Variants in GALNT13 observed in about 807,000 individuals in gnomAD.
GALNT13 encodes polypeptide N-acetylgalactosaminyltransferase 13.
A neutral mutation model predicts 64.2 loss-of-function variants in GALNT13; 28 were observed. The ratio of observed to expected loss-of-function variants is 0.44; its 90% CI spans 0.32 to 0.60. The LOEUF is 0.60. Ranked by LOEUF, GALNT13 falls within the 20% of genes least tolerant of loss-of-function variation. The pLI is 0.05. For missense variants in GALNT13, 577 were observed against 669.8 expected (o/e 0.86, Z 1.53); for synonymous variants, 214 against 224.6 (o/e 0.95, Z 0.42).
chr2:154,156,057 A>G (rs1221086736), intron 4 of GALNT13, among the ~76,000 whole-genome samples: 1 of 148,920 alleles, frequency 6.7e-6, no homozygotes, highest in East Asian at 1.9e-4. Context: ...ATTATTTTTT[A>G]TGTCTTTTAT....
chr2:153,279,378 G>C, the GALNT13 span, among the ~76,000 whole-genome samples: 1 of 151,956 alleles, frequency 6.6e-6, no homozygotes, highest in Non-Finnish European at 1.5e-5. Flanking sequence ...CTCTGGCTAG[G>C]ACTTGGTCCT....
intron 1 of GALNT13, among the ~76,000 whole-genome samples, chr2:153,889,600 C>T (rs547237333): frequency 9.2e-5 from 14 of 152,014 alleles, no homozygotes; most frequent in African/African-American, 2.7e-4. Context: ...CACTAAATAC[C>T]GATGCACTTT....
At chr2:153,559,119 C>A in the GALNT13 span, among the ~76,000 whole-genome samples, 1 of 151,990 alleles carries the variant, frequency 6.6e-6, no homozygotes, top group East Asian at 1.9e-4. Context: ...TGAGTATGGA[C>A]CGCTAATAAA....
the GALNT13 span, among the ~76,000 whole-genome samples, chr2:153,473,490 T>C: frequency 0.032 from 4,827 of 152,300 alleles, 100 homozygotes; most frequent in Middle Eastern, 0.071. Flanking sequence ...CTATTGAGCA[T>C]TTAAATTCAG....
rs147514344 is a variant in GALNT13, at chr2:153,899,824, G to A, written c.-176-1112G>A. Among the ~76,000 whole-genome samples the A allele has an allele frequency of 9.5e-3, 1,443 of 151,160 alleles. 20 individuals are homozygous for A. Among genetic ancestry groups the A allele is most frequent in the African/African-American group, 0.033 (1,366 of 41,186 alleles). ...GAGAACTTAATATTCCTTTAAAGAT[G>A]TTTGGTACTTAAGGGGATTTTTATT... On this transcript the variant is annotated intron_variant, in intron 1 of 12. Transcript: ENST00000392825.
chr2:154,227,334 T>C (rs1345629333), intron 4 of GALNT13, among the ~76,000 whole-genome samples: 5 of 150,032 alleles, frequency 3.3e-5, no homozygotes, highest in Admixed American at 3.3e-4. Flanking sequence ...TCTTTTTTTC[T>C]TTTTTTTTAT....
the GALNT13 span, among the ~76,000 whole-genome samples, chr2:153,647,523 A>G: frequency 8.5e-5 from 13 of 152,080 alleles, no homozygotes; most frequent in African/African-American, 3.1e-4. Flanking sequence ...TGGTGTATTA[A>G]ACATGAAGTC....
chr2:154,149,408 C>G (rs1029119117), intron 4 of GALNT13, among the ~76,000 whole-genome samples: 2 of 151,744 alleles, frequency 1.3e-5, no homozygotes, highest in African/African-American at 4.8e-5. Flanking sequence ...CTTGGTGGTG[C>G]GGGCTCTTTT....
At chr2:154,232,330 C>T (rs1278040626) in intron 4 of GALNT13, among the ~76,000 whole-genome samples, 1 of 152,110 alleles carries the variant, frequency 6.6e-6, no homozygotes, top group East Asian at 1.9e-4. Context: ...CTGCTTCTCT[C>T]ATAGTGTCCA....
chr2:154,252,348 T>TTTA (rs1242164457), intron 7 of GALNT13, among the ~76,000 whole-genome samples: 1 of 146,564 alleles, frequency 6.8e-6, no homozygotes, highest in Non-Finnish European at 1.5e-5. Context: ...TTTATTTTAT[T>TTTA]TTATTATTAT....
the GALNT13 span, among the ~76,000 whole-genome samples, chr2:153,710,056 T>C: frequency 3.9e-5 from 6 of 152,064 alleles, no homozygotes; most frequent in Admixed American, 2.6e-4. Context: ...TTCTTAGATC[T>C]ATCGCACAGC....
intron 3 of GALNT13, among the ~76,000 whole-genome samples, chr2:154,123,983 C>A (rs779759589): frequency 2.6e-5 from 4 of 151,786 alleles, no homozygotes; most frequent in Non-Finnish European, 4.4e-5. Flanking sequence ...CATTGAACTG[C>A]AAACAAAAAA....
chr2:153,270,981 G>T, the GALNT13 span, among the ~76,000 whole-genome samples: 1 of 152,150 alleles, frequency 6.6e-6, no homozygotes, highest in East Asian at 1.9e-4. Context: ...CTCATAAAAC[G>T]TAATCCATCA....
the GALNT13 span, among the ~76,000 whole-genome samples, chr2:153,863,399 G>A: frequency 6.6e-6 from 1 of 152,134 alleles, no homozygotes; most frequent in African/African-American, 2.4e-5. Context: ...GGAAGTTAGA[G>A]TGAGTCAGAT....
At chr2:153,557,340 C>T in the GALNT13 span, among the ~76,000 whole-genome samples, 9 of 152,300 alleles carry the variant, frequency 5.9e-5, no homozygotes, top group African/African-American at 2.2e-4. Context: ...GATGTTTTCA[C>T]AAATACGAAA....
the GALNT13 span, among the ~76,000 whole-genome samples, chr2:153,567,275 C>T: frequency 3.9e-4 from 59 of 152,280 alleles, no homozygotes; most frequent in Admixed American, 1.5e-3. Context: ...ATGGTCAAGA[C>T]GCAGAGATGA....
At chr2:153,790,017 G>A in the GALNT13 span, among the ~76,000 whole-genome samples, 130 of 152,200 alleles carry the variant, frequency 8.5e-4, no homozygotes, top group Middle Eastern at 3.4e-3. Flanking sequence ...AAGAAGAGCT[G>A]GTAATATTCC....
chr2:153,419,134 G>A, the GALNT13 span, among the ~76,000 whole-genome samples: 3 of 152,266 alleles, frequency 2.0e-5, no homozygotes, highest in East Asian at 3.9e-4. Flanking sequence ...AGTTCCTCAG[G>A]GCTGGGGAGG....
chr2:153,269,952 A>G, the GALNT13 span, among the ~76,000 whole-genome samples: 1 of 152,142 alleles, frequency 6.6e-6, no homozygotes, highest in Non-Finnish European at 1.5e-5. Context: ...CACTCCCTTG[A>G]CACATTGGGG....
Sources: gnomAD v4.1 joint callset for allele counts (sites outside exome capture counted in the v4.1 genomes callset) on GRCh38, gnomAD v4.1.1 for gene constraint, MANE v1.5 for transcripts, NCBI Gene and HGNC (gene_info 2026-07-23, HGNC 2026-07-21) for gene names.